POM121L2: variants seen among roughly 807,000 people sequenced by gnomAD.
POM121L2 encodes POM121-like protein 2.
For missense variants in POM121L2, 1,167 were observed against 1,260.3 expected (o/e 0.93, Z 1.12); for synonymous variants, 459 against 483.8 (o/e 0.95, Z 0.67).
In POM121L2 at chr6:27,310,300, A is replaced by G. The variant is rs182018116; in HGVS notation, c.1871T>C (p.Met624Thr). 42 of 1,552,372 alleles carry G rather than the reference A, an allele frequency of 2.7e-5. No individual in the cohort carries two copies. In the African/African-American group the frequency reaches 5.6e-4, roughly 21 times the overall value. Residue 624 changes from methionine (M) to threonine (T), a missense_variant, in exon 1 of 1, where the codon ATG becomes ACG. Coordinates refer to ENST00000444565, the MANE Select transcript of POM121L2 (RefSeq NM_033482.4). Reference sequence around the variant, plus strand: ...AGATGTGCTGGCTAGGGTGGTGGACATGACCACAGAGGTGGCCTTGACCAG... The same window carrying G: ...AGATGTGCTGGCTAGGGTGGTGGACGTGACCACAGAGGTGGCCTTGACCAG... ...HGLVKATSVV[M>T]STTLASTSKD...
Position 27,310,685 on chromosome 6 carries a change from G to A in POM121L2, c.1486C>T (p.Pro496Ser), listed in dbSNP as rs757916041. 2.4e-5 allele frequency: 38 copies of A among 1,551,780 alleles called. 1 individual carries two copies. In the South Asian group the frequency reaches 4.4e-4, roughly 18 times the overall value. The change falls in exon 1 of 1, where the codon CCA becomes TCA. Residue 496 changes from proline to serine, a missense_variant. Physicochemically the swap from Pro to Ser is moderately conservative, Grantham distance 74. Coordinates refer to ENST00000444565, the MANE Select transcript of POM121L2 (RefSeq NM_033482.4). Reference protein sequence around the residue: ...TSQADRSPMPPDPPAPPTIQS... With the variant: ...TSQADRSPMPSDPPAPPTIQS... The stretch of plus-strand genomic sequence containing the variant: ...ATGGTGGGTGGTGCAGGTGGGTCTG[G>A]GGGCATGGGAGACCTGTCAGCCTGA...
At position 27,310,519 on chromosome 6, in the gene POM121L2, TATGAGGA is replaced by T. The variant is rs761716799; in HGVS notation, c.216+571_216+577del. ...TGCAGCTGTGACTGAAATTCTGGAA[TATGAGGA>T]GCTTCCAATCTCGCTGTTGTGCAGG... On this transcript the variant is annotated intron_variant, in intron 1 of 1. Coordinates refer to the POM121L2 transcript ENST00000429945. 4 of 1,552,294 alleles carry T rather than the reference TATGAGGA, an allele frequency of 2.6e-6. No homozygotes were observed. The South Asian group carries it at 4.8e-5, about 18-fold the overall frequency.
chr6:27,310,184 C>A lies in POM121L2; in HGVS notation c.1987G>T (p.Asp663Tyr). 2.6e-6 allele frequency: 4 copies of A among 1,552,070 alleles called. No homozygotes were observed. Among genetic ancestry groups the A allele is most frequent in the South Asian group, 1.2e-5 (1 of 84,038 alleles). The change falls in exon 1 of 1, where the codon GAC becomes TAC. Residue 663 changes from aspartate (D) to tyrosine (Y), a missense_variant. Transcript: ENST00000444565. ...TGAGCAGTCCCAAGCAGGAAAGTGT[C>A]GCAAGTGGAAGGGACAGAATAAGTG... The part of the protein sequence containing the change: ...GNTYSVPSTC[D>Y]TFLLGTAQAF...
In POM121L2 at chr6:27,310,998, A is replaced by G; in HGVS notation, c.1173T>C (p.Pro391=). 1 of 1,552,250 alleles carries G rather than the reference A, an allele frequency of 6.4e-7. No individual in the cohort carries two copies. The highest frequency in any genetic ancestry group is 8.7e-7 in the Non-Finnish European group (1 of 1,147,122). Residue 391 remains proline (P), a synonymous_variant, in exon 1 of 1, where the codon CCT becomes CCC. Transcript: ENST00000444565. ...CCTGGGTTAGATCTGTTTCTGAAGA[A>G]GGCAGAGCAAGAGACAAGGAAGGCT... ...AIQPSLSLAL[P]SSETDLTQGA...
In POM121L2 at chr6:27,311,857, A is replaced by G; in HGVS notation, c.314T>C (p.Ile105Thr). ...DWWESYLKRT[I>T]WSLRHPRPIW... ...TGGCCTGGGATGTCGAAGAGACCAA[A>G]TAGTCCGCTTTAAGTAACTTTCCCA... Residue 105 changes from isoleucine to threonine, a missense_variant, in exon 1 of 1, where the codon ATT (isoleucine) becomes ACT (threonine). Ile to Thr is a moderately conservative substitution (Grantham distance 89). Transcript: ENST00000444565. 6.4e-7 allele frequency: 1 copy of G among 1,551,756 alleles called. No individual in the cohort carries two copies. Among genetic ancestry groups the G allele is most frequent in the Non-Finnish European group, 8.7e-7 (1 of 1,147,006 alleles).
rs937009198 is a variant in POM121L2, at chr6:27,309,276, A to G, written c.2895T>C (p.Thr965=). ...GGGTGTTTTGAGCAATGGGGGCCAT[A>G]GTCTTTCTTGCAGAAATGCTGCCTC... is the stretch of plus-strand genomic sequence containing the variant. ...LGRGSISARK[T]MAPIAQNTPV... Residue 965 remains threonine, a synonymous_variant, in exon 1 of 1, where the codon ACT becomes ACC. Transcript: ENST00000444565. 1.9e-6 allele frequency: 3 copies of G among 1,551,616 alleles called. No homozygotes were observed. Among genetic ancestry groups the G allele is most frequent in the Non-Finnish European group, 2.6e-6 (3 of 1,146,894 alleles).
In POM121L2 at chr6:27,309,479, T is replaced by C. The variant is rs745501993; in HGVS notation, c.2692A>G (p.Met898Val). 5.1e-5 allele frequency: 79 copies of C among 1,551,746 alleles called. No individual in the cohort carries two copies. The highest frequency in any genetic ancestry group is 3.9e-5 in the Admixed American group (2 of 50,980). Residue 898 changes from methionine to valine, a missense_variant, in exon 1 of 1, where the codon ATG (methionine) becomes GTG (valine). Transcript: ENST00000444565. Reference sequence around the variant, plus strand: ...ATGATCCCAGACTCATCACAGTCCATAGGGGTCACGAATCCCCCAAAAGTG... The same window carrying C: ...ATGATCCCAGACTCATCACAGTCCACAGGGGTCACGAATCCCCCAAAAGTG... ...PFTFGGFVTPMDCDESGIIMT... is the reference protein window; with the variant it reads ...PFTFGGFVTPVDCDESGIIMT...
Position 27,312,110 on chromosome 6 carries a change from C to T in POM121L2, c.61G>A (p.Asp21Asn), listed in dbSNP as rs934514491. The change falls in exon 1 of 1, where the codon GAC becomes AAC. Residue 21 changes from aspartate to asparagine, a missense_variant. Physicochemically the swap from Asp to Asn is conservative, Grantham distance 23. Coordinates refer to ENST00000444565, the MANE Select transcript of POM121L2 (RefSeq NM_033482.4). The surrounding 1 kb of genome is among the most constrained non-coding windows in gnomAD (Gnocchi z 6.7). Reference protein sequence around the residue: ...SPSSPAQVRTDLPERPTKRRP... With the variant: ...SPSSPAQVRTNLPERPTKRRP... ...CGTTTCGTGGGCCTCTCGGGCAAGT[C>T]GGTGCGCACCTGGGCTGGGGACGAG... 1.4e-6 allele frequency: 2 copies of T among 1,472,702 alleles called. No individual in the cohort carries two copies. Among genetic ancestry groups the T allele is most frequent in the Admixed American group, 2.6e-5 (1 of 39,170 alleles). The allele number at this position is 1,472,702 out of a possible 1,614,324, so 91.2% of individuals were successfully genotyped here. A position where few individuals can be genotyped will look rare whatever the true frequency, so the allele number is the denominator to read the frequency against.
rs779116411 is a variant in POM121L2 at position 27,311,623 on chromosome 6, T to A, written c.548A>T (p.Asp183Val). Residue 183 changes from aspartate (D) to valine (V), a missense_variant, in exon 1 of 1, where the codon GAC (aspartate) becomes GTC (valine). Transcript: ENST00000444565. ...GGTCTCTGGACTCCTTCTCTTACTG[T>A]CCAGACTCTCAGGGAATAGTGGTTC... ...LEEPLFPESL[D>V]SKRRSPETRP... The A allele has an allele frequency of 3.1e-5, 48 of 1,551,814 alleles. No individual in the cohort carries two copies. The highest frequency in any genetic ancestry group is 4.1e-5 in the Non-Finnish European group (47 of 1,147,016).
chr6:27,311,651 C>T lies in POM121L2; in HGVS notation c.520G>A (p.Glu174Lys). 6.4e-7 allele frequency: 1 copy of T among 1,551,850 alleles called. No individual in the cohort carries two copies. Among genetic ancestry groups the T allele is most frequent in the Non-Finnish European group, 8.7e-7 (1 of 1,147,026 alleles). Residue 174 changes from glutamate to lysine, a missense_variant, in exon 1 of 1, where the codon GAA (glutamate) becomes AAA (lysine). Physicochemically the swap from Glu to Lys is moderately conservative, Grantham distance 56. Transcript: ENST00000444565. The stretch of plus-strand genomic sequence containing the variant: ...AGACTCTCAGGGAATAGTGGTTCTT[C>T]CAACCTCCCTTTCCCTTTTCTGCAC... Reference protein sequence around the residue: ...RECRKGKGRLEEPLFPESLDS... With the variant: ...RECRKGKGRLKEPLFPESLDS...
Position 27,310,010 on chromosome 6 carries a change from A to C in POM121L2, c.2161T>G (p.Phe721Val), listed in dbSNP as rs1464543618. ...QISPRSSTANFRGMGSPLPAS... is the reference protein window; with the variant it reads ...QISPRSSTANVRGMGSPLPAS... ...GGCAGAGGGCTGCCCATACCCCTGA[A>C]ATTAGCAGTGCTGCTTCTAGGGGAT... Residue 721 changes from phenylalanine (F) to valine (V), a missense_variant, in exon 1 of 1, where the codon TTC (phenylalanine) becomes GTC (valine). Phe to Val is a conservative substitution (Grantham distance 50). Coordinates refer to ENST00000444565, the MANE Select transcript of POM121L2 (RefSeq NM_033482.4). The C allele has an allele frequency of 1.3e-6, 2 of 1,552,018 alleles. No individual in the cohort carries two copies. The highest frequency in any genetic ancestry group is 1.7e-6 in the Non-Finnish European group (2 of 1,147,064).
Position 27,312,068 on chromosome 6 carries a change from G to A in POM121L2, c.103C>T (p.Leu35Phe), listed in dbSNP as rs1232731846. 1 of 1,509,900 alleles carries A rather than the reference G, an allele frequency of 6.6e-7. No individual in the cohort carries two copies. The highest frequency in any genetic ancestry group is 8.9e-7 in the Non-Finnish European group (1 of 1,124,940). 93.5% of individuals were successfully genotyped at this position (1,509,900 alleles called of 1,614,324 possible). ...RPTKRRPPQP[L>F]HQVHRVQFVH... ...AACTGAACCCGATGAACTTGGTGAA[G>A]GGGCTGAGGTGGCCGGCGTTTCGTG... The change falls in exon 1 of 1, where the codon CTT becomes TTT. Residue 35 changes from leucine to phenylalanine, a missense_variant. Leu to Phe is a conservative substitution (Grantham distance 22). Coordinates refer to ENST00000444565, the MANE Select transcript of POM121L2 (RefSeq NM_033482.4). The surrounding 1 kb of genome is among the most constrained non-coding windows in gnomAD (Gnocchi z 6.7).
chr6:27,309,884 G>T lies in POM121L2; in HGVS notation c.2287C>A (p.Pro763Thr), dbSNP rs1760720265. Residue 763 changes from proline to threonine, a missense_variant, in exon 1 of 1, where the codon CCT becomes ACT. By Grantham distance (38) the Pro-to-Thr change is conservative. Coordinates refer to ENST00000444565, the MANE Select transcript of POM121L2 (RefSeq NM_033482.4). Reference sequence around the variant, plus strand: ...TTAGCTCCTTGGGATAGTGGGAAAGGTGGCCTTGAGCTTGATCCCAAGGGA... The same window carrying T: ...TTAGCTCCTTGGGATAGTGGGAAAGTTGGCCTTGAGCTTGATCCCAAGGGA... The part of the protein sequence containing the change: ...TSPLGSSSRP[P>T]FPLSQGANPQ... 1 of 1,551,672 alleles carries T rather than the reference G, an allele frequency of 6.4e-7. No individual in the cohort carries two copies. The highest frequency in any genetic ancestry group is 8.7e-7 in the Non-Finnish European group (1 of 1,147,032).
At position 27,311,196 on chromosome 6, in the gene POM121L2, C is replaced by T. The variant is rs370831304; in HGVS notation, c.975G>A (p.Pro325=). 2.6e-5 allele frequency: 40 copies of T among 1,551,824 alleles called. No individual in the cohort carries two copies. The highest frequency in any genetic ancestry group is 6.8e-5 in the African/African-American group (5 of 73,026). The change falls in exon 1 of 1, where the codon CCG becomes CCA. Residue 325 remains proline (P), a synonymous_variant. Transcript: ENST00000444565. ...GQQNQKIPQL[P]SSPENLVSEI... is the part of the protein sequence containing the mutation. ...CTGACACCAGGTTCTCAGGGCTAGACGGCAGCTGTGGAATCTTCTGGTTTT... is the reference window on the plus strand; with the variant it reads ...CTGACACCAGGTTCTCAGGGCTAGATGGCAGCTGTGGAATCTTCTGGTTTT...
chr6:27,309,089 G>A (rs745984445), intron 1 of POM121L2: 23 of 1,551,580 alleles, frequency 1.5e-5, no homozygotes, highest in South Asian at 6.0e-5. Flanking sequence ...TGATGCCTTC[G>A]GGAATGCCCT....
Position 27,309,459 on chromosome 6 carries a change from C to G in POM121L2, c.2712G>C (p.Gly904=). ...FVTPMDCDES[G]IIMTGPDMSP... ...TCATGTCTGGACCAGTCATTATGAT[C>G]CCAGACTCATCACAGTCCATAGGGG... Residue 904 remains glycine (G), a synonymous_variant, in exon 1 of 1, where the codon GGG becomes GGC. Transcript: ENST00000444565. 6.4e-7 allele frequency: 1 copy of G among 1,551,606 alleles called. No homozygotes were observed.
In POM121L2 at chr6:27,309,430, G is replaced by A; in HGVS notation, c.2741C>T (p.Pro914Leu). 1 of 1,551,454 alleles carries A rather than the reference G, an allele frequency of 6.4e-7. No individual in the cohort carries two copies. The highest frequency in any genetic ancestry group is 8.7e-7 in the Non-Finnish European group (1 of 1,146,864). Residue 914 changes from proline (P) to leucine (L), a missense_variant, in exon 1 of 1, where the codon CCC becomes CTC. Pro to Leu is a moderately conservative substitution (Grantham distance 98). Transcript: ENST00000444565. The stretch of plus-strand genomic sequence containing the variant: ...TCCAATGCTGAAAGCTCCAGAGGTG[G>A]GGCTCATGTCTGGACCAGTCATTAT... Reference protein sequence around the residue: ...GIIMTGPDMSPTSGAFSIGAL... With the variant: ...GIIMTGPDMSLTSGAFSIGAL...
At position 27,312,023 on chromosome 6, in the gene POM121L2, C is replaced by T. The variant is rs1760754481; in HGVS notation, c.148G>A (p.Ala50Thr). The change falls in exon 1 of 1, where the codon GCC becomes ACC. Residue 50 changes from alanine (A) to threonine (T), a missense_variant. By Grantham distance (58) the Ala-to-Thr change is moderately conservative. Transcript: ENST00000444565. This position sits in a 1 kb window ranked among gnomAD's most constrained non-coding sequence, Gnocchi z 6.7. ...RVQFVHRAHP[A>T]PRYRPVRRRP... ...CTCCTCACAGGTCTATACCGTGGGG[C>T]AGGGTGGGCGCGGTGGACGAACTGA... 1 of 1,536,228 alleles carries T rather than the reference C, an allele frequency of 6.5e-7. No individual in the cohort carries two copies. Among genetic ancestry groups the T allele is most frequent in the Admixed American group, 2.0e-5 (1 of 49,734 alleles).
Position 27,311,407 on chromosome 6 carries a change from G to A in POM121L2, c.764C>T (p.Ala255Val). Residue 255 changes from alanine (A) to valine (V), a missense_variant, in exon 1 of 1, where the codon GCT becomes GTT. Coordinates refer to ENST00000444565, the MANE Select transcript of POM121L2 (RefSeq NM_033482.4). ...GCAAGAGCTGTAAGAGCTGCCAATA[G>A]CATTCCTTTTGGAGCTGAGGGTGCC... ...RGGTLSSKRN[A>V]IGSSYSSCRN... The A allele has an allele frequency of 6.4e-7, 1 of 1,551,792 alleles. No individual in the cohort carries two copies. The highest frequency in any genetic ancestry group is 8.7e-7 in the Non-Finnish European group (1 of 1,147,028).
Sources: allele counts gnomAD v4.1 joint callset, GRCh38; gene constraint gnomAD v4.1.1; non-coding constraint Gnocchi (gnomAD v3.1); transcripts MANE v1.5; gene names NCBI Gene and HGNC (gene_info 2026-07-23, HGNC 2026-07-21).